Variants in SGCZ observed in about 807,000 individuals in gnomAD.
SGCZ encodes the protein zeta-sarcoglycan.
Under a neutral mutation model 41.3 loss-of-function variants are expected in SGCZ, and 40 were observed. The ratio of observed to expected loss-of-function variants is 0.97; its 90% confidence interval spans 0.75 to 1.26. The LOEUF (loss-of-function observed/expected upper bound fraction) is 1.26. Ranked by LOEUF, SGCZ falls within the 50% of genes most tolerant of loss-of-function variation. The pLI is 0.00. For synonymous variants in SGCZ, 206 were observed against 137.5 expected (o/e 1.50, Z -3.49); for missense variants, 552 against 369.8 (o/e 1.49, Z -4.04).
chr8:14,271,046 G>T (rs975164549), intron 3 of SGCZ, among the ~76,000 whole-genome samples: 22 of 152,210 alleles, frequency 1.4e-4, no homozygotes, highest in African/African-American at 5.1e-4. Context: ...GGGGCCTGTT[G>T]TGAGGTGGGC....
intron 1 of SGCZ, among the ~76,000 whole-genome samples, chr8:15,171,538 T>C (rs920735511): frequency 6.6e-6 from 1 of 152,226 alleles, no homozygotes; most frequent in Non-Finnish European, 1.5e-5. Context: ...AAGCTACTTC[T>C]CTTTTTAGCT....
At chr8:14,107,580 C>A (rs1043613250) in intron 6 of SGCZ, among the ~76,000 whole-genome samples, 1 of 152,108 alleles carries the variant, frequency 6.6e-6, no homozygotes, top group Non-Finnish European at 1.5e-5. Flanking sequence ...CCTATATACA[C>A]CACACATTTC....
chr8:14,883,607 G>A (rs112774647), intron 1 of SGCZ, among the ~76,000 whole-genome samples: 6 of 151,734 alleles, frequency 4.0e-5, no homozygotes, highest in Middle Eastern at 3.4e-3. Flanking sequence ...TCACTCTTTC[G>A]GGTCTAGTTA....
intron 1 of SGCZ, among the ~76,000 whole-genome samples, chr8:15,026,306 C>T (rs977067632): frequency 1.3e-5 from 2 of 152,078 alleles, no homozygotes; most frequent in Non-Finnish European, 2.9e-5. Flanking sequence ...AACATAATTT[C>T]TGAATGTCCT....
At chr8:14,470,389 T>C (rs781666214) in intron 2 of SGCZ, among the ~76,000 whole-genome samples, 1 of 152,162 alleles carries the variant, frequency 6.6e-6, no homozygotes, top group Non-Finnish European at 1.5e-5. Context: ...AGAGATATAA[T>C]TTATTCATCT....
At chr8:14,104,605 C>T (rs1014905814) in intron 6 of SGCZ, among the ~76,000 whole-genome samples, 1 of 152,028 alleles carries the variant, frequency 6.6e-6, no homozygotes, top group East Asian at 1.9e-4. Flanking sequence ...AAGCAAATAC[C>T]CTACTTTATC....
chr8:14,763,622 C>T lies in SGCZ; in HGVS notation c.40-208696G>A, dbSNP rs113547324. On this transcript the variant is annotated intron_variant, in intron 1 of 7. Coordinates refer to ENST00000382080, the MANE Select transcript of SGCZ (RefSeq NM_139167.4). ...AACTTGGAAAAGTTTACGTAATGAT[C>T]ATGTAAGTCTACAAAACATTAGTGA... is the stretch of plus-strand genomic sequence containing the variant. Among the ~76,000 whole-genome samples, 865 of 152,172 alleles carry T rather than the reference C, an allele frequency of 5.7e-3. 14 individuals are homozygous for T. The highest frequency in any genetic ancestry group is 0.02 in the African/African-American group (821 of 41,514).
At chr8:14,395,095 G>C (rs1798872051) in intron 2 of SGCZ, among the ~76,000 whole-genome samples, 1 of 152,082 alleles carries the variant, frequency 6.6e-6, no homozygotes, top group African/African-American at 2.4e-5. Context: ...AAAACTCTAA[G>C]GAACATAGAA....
chr8:14,459,503 G>A (rs746134845), intron 2 of SGCZ, among the ~76,000 whole-genome samples: 27 of 152,094 alleles, frequency 1.8e-4, no homozygotes, highest in Non-Finnish European at 3.4e-4. Context: ...ATCAAGTATC[G>A]TTAATGCAGG....
chr8:14,569,948 C>CT (rs34294327), intron 1 of SGCZ, among the ~76,000 whole-genome samples: 2,861 of 143,032 alleles, frequency 0.02, 88 homozygotes, highest in African/African-American at 0.065. Flanking sequence ...GCACTGGAAT[C>CT]TTTTTTTTTT....
At chr8:14,656,204 TAAAGTGTCTTTATCCA>T (rs1195127995) in intron 1 of SGCZ, among the ~76,000 whole-genome samples, 4 of 82,166 alleles carry the variant, frequency 4.9e-5, no homozygotes, top group Non-Finnish European at 1.1e-4. Flanking sequence ...AAAGCAGAGA[TAAAGTGTCTTTATCCA>T]GAGATAAAGT....
intron 4 of SGCZ, among the ~76,000 whole-genome samples, chr8:14,187,301 T>C (rs1585212622): frequency 1.3e-5 from 2 of 152,134 alleles, no homozygotes; most frequent in East Asian, 1.9e-4. Context: ...AACAAAATTA[T>C]GAGATAAATG....
intron 2 of SGCZ, among the ~76,000 whole-genome samples, chr8:14,334,052 C>T (rs774786692): frequency 6.6e-6 from 1 of 152,010 alleles, no homozygotes. Flanking sequence ...CCTGAATACA[C>T]CTCTGTTTTT....
chr8:14,408,305 G>A (rs1799265882), intron 2 of SGCZ, among the ~76,000 whole-genome samples: 1 of 152,060 alleles, frequency 6.6e-6, no homozygotes, highest in Non-Finnish European at 1.5e-5. Flanking sequence ...TATGACCACA[G>A]AATCTACTCA....
At chr8:14,172,483 C>T (rs1372749902) in intron 4 of SGCZ, among the ~76,000 whole-genome samples, 12 of 152,098 alleles carry the variant, frequency 7.9e-5, no homozygotes, top group African/African-American at 1.9e-4. Flanking sequence ...GTTAACAGCA[C>T]GAACGGCGCC....
chr8:14,540,756 T>G, intron 2 of SGCZ, among the ~76,000 whole-genome samples: 1 of 151,904 alleles, frequency 6.6e-6, no homozygotes, highest in East Asian at 1.9e-4. Flanking sequence ...CATAAAATAA[T>G]TATATTATCT....
chr8:14,288,060 A>G (rs567389103), intron 3 of SGCZ, among the ~76,000 whole-genome samples: 42 of 152,210 alleles, frequency 2.8e-4, no homozygotes, highest in African/African-American at 9.9e-4. Flanking sequence ...CTTTGAGATA[A>G]ATACTGTGAA....
At chr8:14,502,351 A>C (rs1290575728) in intron 2 of SGCZ, among the ~76,000 whole-genome samples, 2 of 152,202 alleles carry the variant, frequency 1.3e-5, no homozygotes, top group East Asian at 3.8e-4. Flanking sequence ...ATCAGGCAAT[A>C]AGTAATATTT....
At chr8:14,825,393 C>T (rs1464915986) in intron 1 of SGCZ, among the ~76,000 whole-genome samples, 1 of 152,098 alleles carries the variant, frequency 6.6e-6, no homozygotes, top group African/African-American at 2.4e-5. Context: ...TAATACGGAA[C>T]TTACTGAAGA....
Sources: gnomAD v4.1 joint callset for allele counts (sites outside exome capture counted in the v4.1 genomes callset) on GRCh38, gnomAD v4.1.1 for gene constraint, MANE v1.5 for transcripts, NCBI Gene and HGNC (gene_info 2026-07-23, HGNC 2026-07-21) for gene names.